The following SULF1 variants were observed in gnomAD, a reference collection of about 807,000 sequenced individuals.
SULF1 encodes extracellular sulfatase Sulf-1.
SULF1 carries 46 observed loss-of-function variants against 110.5 expected under a neutral mutation model. That is an observed-to-expected ratio of 0.42 (90% CI 0.33 to 0.53). SULF1 has a LOEUF of 0.53. Among genes scored for constraint, SULF1 ranks in the 20% least tolerant of loss-of-function variants. The probability of loss-of-function intolerance (pLI) is 0.12; values close to 1 mark genes in which losing one functional copy is unlikely to be tolerated. For missense variants in SULF1, 941 were observed against 1,094.2 expected, an observed-to-expected ratio of 0.86 and a Z score of 1.98; for synonymous variants, 371 against 387.1, an observed-to-expected ratio of 0.96 and a Z score of 0.49.
chr8:69,543,245 A>G (rs1187397129), intron 3 of SULF1, among the ~76,000 whole-genome samples: 3 of 152,072 alleles, frequency 2.0e-5, no homozygotes, highest in African/African-American at 7.2e-5. Flanking sequence ...ATTCCAGGGT[A>G]CACGTGCAAG....
intron 13 of SULF1, among the ~76,000 whole-genome samples, chr8:69,615,576 A>G (rs1809029690): frequency 6.6e-6 from 1 of 151,882 alleles, no homozygotes; most frequent in African/African-American, 2.4e-5. Flanking sequence ...GTGTAGATAT[A>G]TGTATATATG....
chr8:69,614,032 C>T (rs1038411027), intron 13 of SULF1, among the ~76,000 whole-genome samples: 3 of 152,064 alleles, frequency 2.0e-5, no homozygotes, highest in African/African-American at 7.2e-5. Flanking sequence ...AAATGGCTAC[C>T]TCTTATCAAA....
At chr8:69,536,160 C>T (rs1383820429) in intron 3 of SULF1, among the ~76,000 whole-genome samples, 1 of 152,062 alleles carries the variant, frequency 6.6e-6, no homozygotes, top group African/African-American at 2.4e-5. Flanking sequence ...AGGTGTTTTG[C>T]GCAGATCATT....
chr8:69,603,359 A>G, intron 11 of SULF1, 39 bp downstream of exon 11: 1 of 1,613,064 alleles, frequency 6.2e-7, no homozygotes, highest in Non-Finnish European at 8.5e-7. Context: ...CCCCAAATAC[A>G]CTGAGCTCCA....
chr8:69,562,326 T>C (rs1295937021), intron 3 of SULF1, among the ~76,000 whole-genome samples: 1 of 152,224 alleles, frequency 6.6e-6, no homozygotes, highest in Non-Finnish European at 1.5e-5. Context: ...CCTTCCAGAA[T>C]TAAGGGCATG....
chr8:69,546,841 G>A (rs966287849), intron 3 of SULF1, among the ~76,000 whole-genome samples: 4 of 152,086 alleles, frequency 2.6e-5, no homozygotes, highest in Admixed American at 6.5e-5. Context: ...CTCATTACTC[G>A]GGAAGTCATT....
intron 22 of SULF1, among the ~76,000 whole-genome samples, chr8:69,648,880 T>G (rs1812125461): frequency 6.6e-6 from 1 of 152,246 alleles, no homozygotes; most frequent in Non-Finnish European, 1.5e-5. Context: ...TAAGTAAGTG[T>G]CATCCAGAAA....
intron 15 of SULF1, 79 bp downstream of exon 15, chr8:69,624,276 T>C: frequency 6.7e-7 from 1 of 1,503,524 alleles, no homozygotes; most frequent in Non-Finnish European, 8.9e-7. Flanking sequence ...CATTTTGCAC[T>C]TGGCAAAAAA....
At chr8:69,538,213 T>G (rs982080457) in intron 3 of SULF1, among the ~76,000 whole-genome samples, 1 of 151,912 alleles carries the variant, frequency 6.6e-6, no homozygotes, top group Non-Finnish European at 1.5e-5. Flanking sequence ...TGTATACTTT[T>G]TTTTCAAGGA....
At chr8:69,615,992 A>AGTT (rs765073441) in intron 13 of SULF1, among the ~76,000 whole-genome samples, 3 of 151,980 alleles carry the variant, frequency 2.0e-5, no homozygotes, top group Non-Finnish European at 4.4e-5. Context: ...TTTGTACTAA[A>AGTT]GTTGATATAA....
At chr8:69,616,210 GTATA>G (rs758049085) in intron 13 of SULF1, among the ~76,000 whole-genome samples, 13,832 of 140,066 alleles carry the variant, frequency 0.099, 901 homozygotes, top group South Asian at 0.2. Flanking sequence ...ATATGTGTGT[GTATA>G]TATATATATA....
At chr8:69,654,767 G>T (rs59388909) in intron 22 of SULF1, among the ~76,000 whole-genome samples, 21,676 of 152,172 alleles carry the variant, frequency 0.14, 1,574 homozygotes, top group Non-Finnish European at 0.16. Flanking sequence ...GAGTGTGAAG[G>T]TATGTAAGCC....
intron 5 of SULF1, among the ~76,000 whole-genome samples, chr8:69,574,477 A>G (rs1429303850): frequency 6.6e-6 from 1 of 152,136 alleles, no homozygotes; most frequent in Non-Finnish European, 1.5e-5. Context: ...TTATTAAGCC[A>G]TCAATCCAAG....
intron 22 of SULF1, among the ~76,000 whole-genome samples, chr8:69,656,764 A>G (rs1394459655): frequency 1.3e-5 from 2 of 152,194 alleles, no homozygotes; most frequent in African/African-American, 4.8e-5. Flanking sequence ...GCTATTGTGA[A>G]TAGTGCTGCA....
intron 5 of SULF1, among the ~76,000 whole-genome samples, chr8:69,570,280 A>G (rs996395782): frequency 6.6e-6 from 1 of 152,234 alleles, no homozygotes; most frequent in Non-Finnish European, 1.5e-5. Context: ...TGGGATTTCC[A>G]TAAGTGATAA....
At chr8:69,557,510 C>T (rs1815190939) in intron 3 of SULF1, among the ~76,000 whole-genome samples, 1 of 152,198 alleles carries the variant, frequency 6.6e-6, no homozygotes, top group South Asian at 2.1e-4. Flanking sequence ...TTTCTCACTT[C>T]ATCCTTCTCA....
intron 1 of SULF1, among the ~76,000 whole-genome samples, chr8:69,475,747 C>A (rs1276289889): frequency 6.6e-6 from 1 of 152,126 alleles, no homozygotes; most frequent in Non-Finnish European, 1.5e-5. Context: ...ATGTGTATAT[C>A]AATGTTTAAT....
intron 14 of SULF1, among the ~76,000 whole-genome samples, chr8:69,621,942 T>C (rs556817990): frequency 6.6e-6 from 1 of 152,388 alleles, no homozygotes; most frequent in Admixed American, 6.5e-5. Flanking sequence ...TTTATGGTGA[T>C]TTCTTTCTAT....
At chr8:69,522,446 A>G (rs73289790) in intron 3 of SULF1, among the ~76,000 whole-genome samples, 8,114 of 152,132 alleles carry the variant, frequency 0.053, 396 homozygotes, top group African/African-American at 0.13. Flanking sequence ...GGAGATAGAT[A>G]AAGAGTTCAG....
Sources: gnomAD v4.1 joint callset for allele counts (sites outside exome capture counted in the v4.1 genomes callset) on GRCh38, gnomAD v4.1.1 for gene constraint, MANE v1.5 for transcripts, NCBI Gene and HGNC (gene_info 2026-07-23, HGNC 2026-07-21) for gene names.